The following ZNF532 variants were observed in gnomAD, a reference collection of about 807,000 sequenced individuals.
ZNF532 encodes zinc finger protein 532.
Under a neutral mutation model 89.3 loss-of-function variants are expected in ZNF532, and 22 were observed. The observed-to-expected ratio is 0.25, with a 90% CI of 0.18 to 0.35. The LOEUF (loss-of-function observed/expected upper bound fraction) is 0.35. Ranked by LOEUF, ZNF532 falls within the 10% of genes least tolerant of loss-of-function variation. The probability of loss-of-function intolerance (pLI) is 1.00; values close to 1 mark genes in which losing one functional copy is unlikely to be tolerated. For synonymous variants in ZNF532, 606 were observed against 649.6 expected, an observed-to-expected ratio of 0.93 and a Z score of 1.02; for missense variants, 1,132 against 1,643.4, an observed-to-expected ratio of 0.69 and a Z score of 5.38.
At chr18:58,964,082 T>G (rs1309114471) in intron 7 of ZNF532, 2 of 152,228 alleles carry the variant, frequency 1.3e-5, no homozygotes, top group African/African-American at 4.8e-5. Context: ...TGGTTTCATT[T>G]TCATTCTTTT....
At position 58,979,009 on chromosome 18, in the gene ZNF532, G is replaced by A. The variant is rs192908679; in HGVS notation, c.3151-46G>A. The A allele has an allele frequency of 1.5e-3, 2,066 of 1,422,104 alleles. 24 individuals carry two copies. In the Middle Eastern group the frequency reaches 0.016, roughly 11 times the overall value. The allele number at this position is 1,422,104 out of a possible 1,614,324, so 88.1% of individuals were successfully genotyped here. On this transcript the variant is annotated intron_variant, in intron 7 of 9. Coordinates refer to ENST00000591808, the MANE Select transcript of ZNF532 (RefSeq NM_001375912.1). ...CAAAAGAGTTCTTAATTGTTTGAGT[G>A]CATCTATTTTCATTCCCTTAAGTGA... is the stretch of plus-strand genomic sequence containing the variant.
At position 58,864,912 on chromosome 18, in the gene ZNF532, A is replaced by G. The variant is rs565154129; in HGVS notation, c.-601A>G. On this transcript the variant is annotated 5_prime_UTR_variant, in exon 1 of 10. Coordinates refer to ENST00000591808, the MANE Select transcript of ZNF532 (RefSeq NM_001375912.1). ...CAGCTTCCTCCCTTCATGGCAGCCAAAAGCAGAGGAGCTTGCAGGAAGGTA... is the reference window on the plus strand; with the variant it reads ...CAGCTTCCTCCCTTCATGGCAGCCAGAAGCAGAGGAGCTTGCAGGAAGGTA... 6.6e-6 allele frequency: 1 copy of G among 152,278 alleles called. No individual in the cohort carries two copies. The highest frequency in any genetic ancestry group is 1.5e-5 in the Non-Finnish European group (1 of 68,152). The allele number at this position is 152,278 out of a possible 1,614,324, so 9.4% of individuals were successfully genotyped here. A position where few individuals can be genotyped will look rare whatever the true frequency, so the allele number is the denominator to read the frequency against.
intron 5 of ZNF532, among the ~76,000 whole-genome samples, chr18:58,940,874 C>T (rs2062926164): frequency 6.8e-6 from 1 of 146,766 alleles, no homozygotes; most frequent in African/African-American, 2.5e-5. Flanking sequence ...GCCCATAACT[C>T]CATAATTAAG....
Position 58,911,729 on chromosome 18 carries a change from G to A in ZNF532, c.-17-6542G>A, listed in dbSNP as rs558831172. Among the ~76,000 whole-genome samples, 54 of 152,304 alleles carry A rather than the reference G, an allele frequency of 3.5e-4. 1 individual carries two copies. Among genetic ancestry groups the A allele is most frequent in the African/African-American group, 1.3e-3 (52 of 41,568 alleles). On this transcript the variant is annotated intron_variant, in intron 2 of 9. Coordinates refer to ENST00000591808, the MANE Select transcript of ZNF532 (RefSeq NM_001375912.1). ...CAGCCCTTGTCTCTTGGCAGGATGG[G>A]AGTTAATAAGGAAAAACAAAATTGC...
chr18:58,931,030 G>C (rs1159239906), intron 3 of ZNF532, among the ~76,000 whole-genome samples: 1 of 152,114 alleles, frequency 6.6e-6, no homozygotes, highest in Non-Finnish European at 1.5e-5. Context: ...CTATTGAAAA[G>C]TAATGTTTAC....
At chr18:58,870,957 AG>A (rs1246979071) in intron 2 of ZNF532, among the ~76,000 whole-genome samples, 4 of 151,972 alleles carry the variant, frequency 2.6e-5, no homozygotes, top group Non-Finnish European at 4.4e-5. Flanking sequence ...GGAATTTAGG[AG>A]GGTTGCTTGG....
chr18:58,867,692 C>T (rs764536956), intron 2 of ZNF532, among the ~76,000 whole-genome samples: 9 of 152,174 alleles, frequency 5.9e-5, no homozygotes, highest in Non-Finnish European at 1.0e-4. Flanking sequence ...CCATCCCCTC[C>T]GGAGCAGGAA....
At position 58,918,376 on chromosome 18, in the gene ZNF532, T is replaced by G; in HGVS notation, c.89T>G (p.Ile30Ser). Residue 30 changes from isoleucine (I) to serine (S), a missense_variant, in exon 3 of 10, where the codon ATT (isoleucine) becomes AGT (serine). By Grantham distance (142) the Ile-to-Ser change is moderately radical (BLOSUM62 -2). Coordinates refer to ENST00000591808, the MANE Select transcript of ZNF532 (RefSeq NM_001375912.1). Reference protein sequence around the residue: ...IPDMVDPKAAIESGHDDHESH... With the variant: ...IPDMVDPKAASESGHDDHESH... ...GATATGGTCGATCCTAAAGCAGCTA[T>G]TGAGTCTGGACACGATGACCATGAA... 6.2e-7 allele frequency: 1 copy of G among 1,614,148 alleles called. No homozygotes were observed. Among genetic ancestry groups the G allele is most frequent in the Non-Finnish European group, 8.5e-7 (1 of 1,180,020 alleles).
intron 2 of ZNF532, chr18:58,896,529 C>T (rs1483916712): frequency 6.6e-6 from 1 of 152,542 alleles, no homozygotes; most frequent in Non-Finnish European, 1.5e-5. Context: ...GGCTGCTGCA[C>T]ATGCTTGGGA....
chr18:58,966,188 A>G (rs2065899806), intron 7 of ZNF532, among the ~76,000 whole-genome samples: 1 of 152,122 alleles, frequency 6.6e-6, no homozygotes, highest in Non-Finnish European at 1.5e-5. Context: ...GAGATAAGCT[A>G]TTTAGAGGAT....
At chr18:58,907,008 T>A (rs1395793565) in intron 2 of ZNF532, among the ~76,000 whole-genome samples, 3 of 152,084 alleles carry the variant, frequency 2.0e-5, no homozygotes, top group Non-Finnish European at 2.9e-5. Flanking sequence ...ATTCTTGGGG[T>A]TCCCTTGAGA....
At position 58,919,220 on chromosome 18, in the gene ZNF532, T is replaced by C. The variant is rs747603449; in HGVS notation, c.933T>C (p.Ala311=). The C allele has an allele frequency of 1.2e-6, 2 of 1,614,054 alleles. No homozygotes were observed. The highest frequency in any genetic ancestry group is 1.7e-6 in the Non-Finnish European group (2 of 1,179,956). Residue 311 remains alanine, a synonymous_variant, in exon 3 of 10, where the codon GCT becomes GCC. Transcript: ENST00000591808. The surrounding 1 kb of genome is among the most constrained non-coding windows in gnomAD (Gnocchi z 6.1). Reference sequence around the variant, plus strand: ...AAGTAAATGACAGTCCGAGAGCCGCTGACAAGTCTCCTGAATCCCAGAATC... The same window carrying C: ...AAGTAAATGACAGTCCGAGAGCCGCCGACAAGTCTCCTGAATCCCAGAATC... The part of the protein sequence containing the change: ...PKEVNDSPRA[A]DKSPESQNLI...
At chr18:58,962,524 C>T (rs1424774340) in intron 7 of ZNF532, among the ~76,000 whole-genome samples, 4 of 151,968 alleles carry the variant, frequency 2.6e-5, no homozygotes, top group Non-Finnish European at 4.4e-5. Context: ...GAGAATCACC[C>T]GGAGAGCCTA....
intron 3 of ZNF532, chr18:58,932,392 CTG>C (rs1451305267): frequency 6.6e-6 from 1 of 152,160 alleles, no homozygotes; most frequent in Non-Finnish European, 1.5e-5. Context: ...TTCAGGAACA[CTG>C]TCTGCTTTTT....
chr18:58,955,252 G>A (rs1226440068), intron 7 of ZNF532, among the ~76,000 whole-genome samples: 3 of 152,142 alleles, frequency 2.0e-5, no homozygotes, highest in Non-Finnish European at 2.9e-5. Context: ...GCGAGGCCCT[G>A]TCTCAGAACT....
At chr18:58,885,553 G>A (rs1416866720) in intron 2 of ZNF532, among the ~76,000 whole-genome samples, 1 of 152,102 alleles carries the variant, frequency 6.6e-6, no homozygotes, top group Non-Finnish European at 1.5e-5. Context: ...ATTCTTTTTA[G>A]TGTTAGAAGA....
intron 2 of ZNF532, among the ~76,000 whole-genome samples, chr18:58,915,989 C>T (rs1379183024): frequency 1.3e-5 from 2 of 152,172 alleles, no homozygotes; most frequent in African/African-American, 4.8e-5. Context: ...AGGGCAGAGC[C>T]CCACTACCAT....
intron 2 of ZNF532, among the ~76,000 whole-genome samples, chr18:58,908,138 C>T (rs2060050246): frequency 6.6e-6 from 1 of 152,144 alleles, no homozygotes; most frequent in South Asian, 2.1e-4. Flanking sequence ...TATCAGTAGC[C>T]CCTTTCCATA....
At chr18:58,934,171 A>C in intron 3 of ZNF532, 1 of 362,382 alleles carries the variant, frequency 2.8e-6, no homozygotes, top group Non-Finnish European at 5.0e-6. Context: ...AAGTAATGGA[A>C]TTGGAACTCT....
Sources: gnomAD v4.1 joint callset for allele counts (sites outside exome capture counted in the v4.1 genomes callset) on GRCh38, gnomAD v4.1.1 for gene constraint, Gnocchi (gnomAD v3.1) non-coding constraint, MANE v1.5 for transcripts, NCBI Gene and HGNC (gene_info 2026-07-23, HGNC 2026-07-21) for gene names.